TRPC3: variants seen among roughly 807,000 people sequenced by gnomAD.
TRPC3 encodes the protein transient receptor potential cation channel subfamily C member 3.
Under a neutral mutation model 90.9 loss-of-function variants are expected in TRPC3, and 54 were observed. That is an observed-to-expected ratio of 0.59 (90% CI 0.48 to 0.75). TRPC3 has a LOEUF of 0.75. Ranked by LOEUF, TRPC3 falls within the 30% of genes least tolerant of loss-of-function variation. TRPC3 has a pLI of 0.00. For missense variants in TRPC3, 918 were observed against 1,194.5 expected (o/e 0.77, Z 3.41); for synonymous variants, 424 against 450.9 (o/e 0.94, Z 0.75).
At chr4:121,925,316 C>T in intron 2 of TRPC3, 110 bp from the exon 3 acceptor site, 1 of 1,176,672 alleles carries the variant, frequency 8.5e-7, no homozygotes, top group Non-Finnish European at 1.2e-6. Context: ...TAGAAAGCTG[C>T]AGCCCACCTG....
At chr4:121,882,949 T>C (rs983743421) in intron 10 of TRPC3, among the ~76,000 whole-genome samples, 44 of 152,120 alleles carry the variant, frequency 2.9e-4, no homozygotes, top group Admixed American at 2.3e-3. Flanking sequence ...TTTGTATATA[T>C]ACTAATTACT....
rs143785680 is a variant in TRPC3, at chr4:121,930,958, T to C, written c.987+1313A>G. On this transcript the variant is annotated intron_variant, in intron 2 of 11. Transcript: ENST00000379645. ...TTACTTTCTTCTTTGTATTTTCCCTTTTTTGGAAAATGCTTACAATAAATG... is the reference window on the plus strand; with the variant it reads ...TTACTTTCTTCTTTGTATTTTCCCTCTTTTGGAAAATGCTTACAATAAATG... 1.8e-3 allele frequency: 402 copies of C among 222,786 alleles called. 2 individuals carry two copies. Among genetic ancestry groups the C allele is most frequent in the Middle Eastern group, 3.2e-3 (2 of 618 alleles). 13.8% of individuals were successfully genotyped at this position (222,786 alleles called of 1,614,324 possible).
chr4:121,933,068 CTG>C (rs1730009900), intron 1 of TRPC3, 26 bp from the exon 2 acceptor site: 1 of 1,531,706 alleles, frequency 6.5e-7, no homozygotes, highest in African/African-American at 1.4e-5. Context: ...GATAAAACAA[CTG>C]TAGAATATTA....
intron 2 of TRPC3, among the ~76,000 whole-genome samples, chr4:121,931,931 G>A (rs756552817): frequency 1.2e-4 from 18 of 152,080 alleles, no homozygotes; most frequent in Non-Finnish European, 1.8e-4. Context: ...CAAAACAGGA[G>A]GAAGGATTTG....
At chr4:121,903,371 C>T (rs1325845814) in intron 8 of TRPC3, among the ~76,000 whole-genome samples, 1 of 152,084 alleles carries the variant, frequency 6.6e-6, no homozygotes, top group East Asian at 1.9e-4. Context: ...ATTAATTCCT[C>T]CCTCTGTCCC....
chr4:121,951,210 TC>T lies in TRPC3; in HGVS notation c.215+255del. Among the ~76,000 whole-genome samples the T allele has an allele frequency of 6.6e-6, 1 of 152,288 alleles. No individual in the cohort carries two copies. The highest frequency in any genetic ancestry group is 2.4e-5 in the African/African-American group (1 of 41,584). On this transcript the variant is annotated intron_variant, in intron 1 of 11. Transcript: ENST00000379645. The surrounding 1 kb of genome is among the most constrained non-coding windows in gnomAD (Gnocchi z 4.4). The stretch of plus-strand genomic sequence containing the variant: ...GTCAGTGTGCCCGCCTGCGGGCTGT[TC>T]CGTGTGCTTGAGCCTGGACAGAGCC...
Position 121,879,698 on chromosome 4 carries a change from A to C in TRPC3, c.*38T>G, listed in dbSNP as rs758863229. On this transcript the variant is annotated 3_prime_UTR_variant, in exon 12 of 12. Transcript: ENST00000379645. ...CATACTTAGAAATATTATTGCCCACATTTGTGCTATAGTCAAAGCCAAATC... is the reference window on the plus strand; with the variant it reads ...CATACTTAGAAATATTATTGCCCACCTTTGTGCTATAGTCAAAGCCAAATC... The C allele has an allele frequency of 2.5e-6, 4 of 1,575,954 alleles. No homozygotes were observed.
At chr4:121,903,270 C>A (rs934432886) in intron 8 of TRPC3, among the ~76,000 whole-genome samples, 2 of 151,962 alleles carry the variant, frequency 1.3e-5, no homozygotes, top group African/African-American at 4.8e-5. Flanking sequence ...TCTACCTGTA[C>A]CCACTGAAAT....
chr4:121,914,268 C>A (rs1269227608), intron 4 of TRPC3, among the ~76,000 whole-genome samples: 1 of 152,252 alleles, frequency 6.6e-6, no homozygotes, highest in Non-Finnish European at 1.5e-5. Context: ...CTAGGGGAAC[C>A]TGACATGCAT....
intron 3 of TRPC3, among the ~76,000 whole-genome samples, chr4:121,915,147 T>G (rs1287145373): frequency 6.6e-6 from 1 of 152,192 alleles, no homozygotes. Context: ...ATAGAAGAAT[T>G]AGAATGGAAA....
chr4:121,899,345 T>C (rs1020486489), intron 10 of TRPC3, among the ~76,000 whole-genome samples: 5 of 152,246 alleles, frequency 3.3e-5, no homozygotes, highest in African/African-American at 9.6e-5. Context: ...CTTTCAATAT[T>C]GTGAGAGGAA....
At chr4:121,891,029 G>GA (rs1728308277) in intron 10 of TRPC3, among the ~76,000 whole-genome samples, 1 of 152,020 alleles carries the variant, frequency 6.6e-6, no homozygotes, top group South Asian at 2.1e-4. Context: ...TGTATGCCAG[G>GA]AAAAATTGAT....
At chr4:121,891,467 G>T (rs1449113163) in intron 10 of TRPC3, among the ~76,000 whole-genome samples, 1 of 152,180 alleles carries the variant, frequency 6.6e-6, no homozygotes, top group Non-Finnish European at 1.5e-5. Flanking sequence ...CTATAGTCCT[G>T]ACAAGGTAGT....
In TRPC3 at chr4:121,951,476, C is replaced by T; in HGVS notation, c.205G>A (p.Gly69Arg). The T allele has an allele frequency of 5.3e-6, 7 of 1,314,330 alleles. No homozygotes were observed. The highest frequency in any genetic ancestry group is 6.8e-6 in the Non-Finnish European group (7 of 1,033,704). 81.4% of individuals were successfully genotyped at this position (1,314,330 alleles called of 1,614,324 possible). A position where few individuals can be genotyped will look rare whatever the true frequency, so the allele number is the denominator to read the frequency against. ...HGYCPPPFSHGPDLSMEGSPS... is the reference protein window; with the variant it reads ...HGYCPPPFSHRPDLSMEGSPS... Reference sequence around the variant, plus strand: ...GGGCCCGGTACTCACAGGTCCGGCCCGTGGGAGAAGGGCGGCGGGCAGTAG... The same window carrying T: ...GGGCCCGGTACTCACAGGTCCGGCCTGTGGGAGAAGGGCGGCGGGCAGTAG... The change falls in exon 1 of 12, where the codon GGG becomes AGG. Residue 69 changes from glycine (G) to arginine (R), a missense_variant. Gly to Arg is a moderately radical substitution (Grantham distance 125). Coordinates refer to ENST00000379645, the MANE Select transcript of TRPC3 (RefSeq NM_001130698.2). The surrounding 1 kb of genome is among the most constrained non-coding windows in gnomAD (Gnocchi z 4.4).
chr4:121,879,905 T>C, intron 11 of TRPC3, 27 bp from the exon 12 acceptor site: 1 of 1,516,390 alleles, frequency 6.6e-7, no homozygotes, highest in South Asian at 1.3e-5. Context: ...AAAAAATTAT[T>C]GGTAAGTTGC....
chr4:121,933,087 AT>A (rs1553942170), intron 1 of TRPC3, 45 bp from the exon 2 acceptor site: 6 of 1,514,846 alleles, frequency 4.0e-6, no homozygotes, highest in Non-Finnish European at 5.3e-6. Context: ...ATTAGGGCAC[AT>A]TCCTTCCTTT....
chr4:121,906,372 T>C (rs1448320310), intron 7 of TRPC3, among the ~76,000 whole-genome samples: 2 of 152,062 alleles, frequency 1.3e-5, no homozygotes, highest in Admixed American at 1.3e-4. Context: ...AAAAGGAAAA[T>C]GGGGGCAGGG....
chr4:121,941,880 A>T (rs534307805), intron 1 of TRPC3, among the ~76,000 whole-genome samples: 8 of 152,190 alleles, frequency 5.3e-5, no homozygotes, highest in Admixed American at 1.3e-4. Flanking sequence ...GTAGCCATTA[A>T]GTACACCAGC....
intron 4 of TRPC3, among the ~76,000 whole-genome samples, chr4:121,913,586 T>G (rs1729187753): frequency 6.6e-6 from 1 of 152,218 alleles, no homozygotes; most frequent in Admixed American, 6.5e-5. Context: ...GACAAACATT[T>G]CTAAACCTGA....
Sources: allele counts gnomAD v4.1 joint callset (sites outside exome capture counted in the v4.1 genomes callset), GRCh38; gene constraint gnomAD v4.1.1; non-coding constraint Gnocchi (gnomAD v3.1); transcripts MANE v1.5; gene names NCBI Gene and HGNC (gene_info 2026-07-23, HGNC 2026-07-21).